BICC1: variants seen among roughly 807,000 people sequenced by gnomAD.
BICC1 encodes protein bicaudal C homolog 1.
Under a neutral mutation model 111.0 loss-of-function variants are expected in BICC1, and 43 were observed. The observed-to-expected ratio is 0.39, with a 90% confidence interval of 0.30 to 0.50. The LOEUF (loss-of-function observed/expected upper bound fraction) is 0.50, where lower values mean the gene tolerates loss of function less well. Ranked by LOEUF, BICC1 falls within the 20% of genes least tolerant of loss-of-function variation. The pLI, the probability that BICC1 is intolerant of heterozygous loss-of-function variation, is 0.88. For synonymous variants in BICC1, 467 were observed against 434.4 expected, an observed-to-expected ratio of 1.07 and a Z score of -0.93; for missense variants, 1,091 against 1,203.2, an observed-to-expected ratio of 0.91 and a Z score of 1.38.
At chr10:58,518,681 A>G (rs1367540985) in intron 1 of BICC1, among the ~76,000 whole-genome samples, 1 of 151,612 alleles carries the variant, frequency 6.6e-6, no homozygotes, top group Non-Finnish European at 1.5e-5. Flanking sequence ...TGATCCAGAG[A>G]GCATAGTTGC....
At chr10:58,693,785 C>A (rs1045091319) in intron 2 of BICC1, among the ~76,000 whole-genome samples, 1 of 152,092 alleles carries the variant, frequency 6.6e-6, no homozygotes, top group Non-Finnish European at 1.5e-5. Flanking sequence ...GAGTAGGTTG[C>A]AAAAATTTTC....
intron 3 of BICC1, among the ~76,000 whole-genome samples, chr10:58,766,643 T>C (rs1842463661): frequency 6.6e-6 from 1 of 152,076 alleles, no homozygotes; most frequent in Non-Finnish European, 1.5e-5. Context: ...TGTGGGAGTC[T>C]GAGAGTCTAG....
rs552570864 is a variant in BICC1, at chr10:58,636,602, T to TC, written c.237+15702dup. ...ATTGTCTCCTCCTCCTCCTCCTCCTTCTCCCTTTTTTCCTTCCCCAATTCA... is the reference window on the plus strand; with the variant it reads ...ATTGTCTCCTCCTCCTCCTCCTCCTTCCTCCCTTTTTTCCTTCCCCAATTCA... On this transcript the variant is annotated intron_variant, in intron 2 of 20. Transcript: ENST00000373886. Among the ~76,000 whole-genome samples the TC allele has an allele frequency of 8.7e-3, 1,305 of 149,522 alleles. 12 individuals are homozygous for TC. The highest frequency in any genetic ancestry group is 0.035 in the East Asian group (181 of 5,128).
chr10:58,665,979 A>G (rs1413834305), intron 2 of BICC1, among the ~76,000 whole-genome samples: 1 of 152,186 alleles, frequency 6.6e-6, no homozygotes, highest in Non-Finnish European at 1.5e-5. Context: ...TAGACGTACA[A>G]GTTCCTTATG....
chr10:58,675,589 T>A (rs946504084), intron 2 of BICC1, among the ~76,000 whole-genome samples: 1 of 151,820 alleles, frequency 6.6e-6, no homozygotes, highest in African/African-American at 2.4e-5. Context: ...CAGAAGAGGG[T>A]AGAACCATGG....
intron 2 of BICC1, among the ~76,000 whole-genome samples, chr10:58,663,636 C>T (rs1838916664): frequency 6.6e-6 from 1 of 152,152 alleles, no homozygotes; most frequent in African/African-American, 2.4e-5. Context: ...CTATTGTGAA[C>T]TGTGCATTCA....
In BICC1 at chr10:58,567,060, C is replaced by T. The variant is rs549891594; in HGVS notation, c.190+53727C>T. On this transcript the variant is annotated intron_variant, in intron 1 of 20. Transcript: ENST00000373886. ...CTGGTAATAGGAGGTAGAGAGGCAG[C>T]GGCAGCTGTGCAACTCTTTGGAGGC... is the stretch of plus-strand genomic sequence containing the variant. 2.0e-3 allele frequency among the ~76,000 whole-genome samples: 297 copies of T among 152,244 alleles called. 1 individual carries two copies. Among genetic ancestry groups the T allele is most frequent in the African/African-American group, 6.5e-3 (268 of 41,544 alleles).
At chr10:58,698,753 G>A (rs1002123878) in intron 2 of BICC1, among the ~76,000 whole-genome samples, 3 of 152,188 alleles carry the variant, frequency 2.0e-5, no homozygotes, top group Admixed American at 2.0e-4. Context: ...GCCATGCTAT[G>A]TGCTTTGGGT....
rs1482279108 is a variant in BICC1, at chr10:58,789,333, T to C, written c.672T>C (p.Asn224=). 6.2e-7 allele frequency: 1 copy of C among 1,614,062 alleles called. No homozygotes were observed. The highest frequency in any genetic ancestry group is 1.1e-5 in the South Asian group (1 of 91,072). ...TTCTTCAACCGGTTCCTGATCCTAA[T>C]TCCCCCTCTATTCAGCATATATCAC... ...AGILQPVPDP[N]SPSIQHISQT... Residue 224 remains asparagine (N), a synonymous_variant, in exon 7 of 21, where the codon AAT becomes AAC. Transcript: ENST00000373886.
intron 8 of BICC1, among the ~76,000 whole-genome samples, chr10:58,791,915 C>G (rs1182245273): frequency 6.6e-6 from 1 of 152,014 alleles, no homozygotes; most frequent in Non-Finnish European, 1.5e-5. Flanking sequence ...CCTCAGCCTC[C>G]CGAGTAGCTG....
At chr10:58,747,201 T>C (rs1841859405) in intron 3 of BICC1, among the ~76,000 whole-genome samples, 1 of 152,182 alleles carries the variant, frequency 6.6e-6, no homozygotes, top group South Asian at 2.1e-4. Context: ...GAAGATTAGC[T>C]TCAGCTCCAG....
intron 2 of BICC1, among the ~76,000 whole-genome samples, chr10:58,628,049 G>A (rs1258801013): frequency 6.6e-6 from 1 of 151,986 alleles, no homozygotes; most frequent in Non-Finnish European, 1.5e-5. Flanking sequence ...CTCAAATTTT[G>A]TTATATATGT....
At chr10:58,696,820 T>G (rs1449987924) in intron 2 of BICC1, among the ~76,000 whole-genome samples, 1 of 152,208 alleles carries the variant, frequency 6.6e-6, no homozygotes. Context: ...TGATTCAACA[T>G]CAGATGTTTG....
In BICC1 at chr10:58,787,074, G is replaced by A. The variant is rs1319994083; in HGVS notation, c.539G>A (p.Ser180Asn). 1 of 1,578,618 alleles carries A rather than the reference G, an allele frequency of 6.3e-7. No individual in the cohort carries two copies. The highest frequency in any genetic ancestry group is 8.6e-7 in the Non-Finnish European group (1 of 1,167,640). The change falls in exon 5 of 21, where the codon AGC becomes AAC. Residue 180 changes from serine (S) to asparagine (N), a missense_variant. Physicochemically the swap from Ser to Asn is conservative, Grantham distance 46. Coordinates refer to ENST00000373886, the MANE Select transcript of BICC1 (RefSeq NM_001080512.3). ...DSNRNNQAEK[S>N]NQVSIAGQPA... is the part of the protein sequence containing the mutation. ...AACAGGAATAACCAAGCAGAAAAAA[G>A]CAACCAGGTGGTTTGTCTTTTCACA...
At chr10:58,725,400 C>A (rs1347756599) in intron 3 of BICC1, among the ~76,000 whole-genome samples, 1 of 152,144 alleles carries the variant, frequency 6.6e-6, no homozygotes, top group African/African-American at 2.4e-5. Flanking sequence ...ACCAAATTTT[C>A]TCTCTACCTC....
At chr10:58,618,138 G>A (rs10740737) in intron 1 of BICC1, among the ~76,000 whole-genome samples, 156 of 152,100 alleles carry the variant, frequency 1.0e-3, no homozygotes, top group African/African-American at 3.5e-3. Context: ...GTCTTGTGTC[G>A]GACCTGTGTG....
intron 20 of BICC1, chr10:58,823,991 G>T (rs535368184): frequency 1.0e-6 from 1 of 985,282 alleles, no homozygotes; most frequent in Admixed American, 6.1e-5. Flanking sequence ...TGTGTCTTTT[G>T]CTTGTAAAGA....
intron 1 of BICC1, among the ~76,000 whole-genome samples, chr10:58,521,934 T>G (rs542423627): frequency 6.6e-6 from 1 of 151,932 alleles, no homozygotes; most frequent in African/African-American, 2.4e-5. Flanking sequence ...GATCACACTT[T>G]GAGAAACATT....
chr10:58,541,452 C>T (rs1358690022), intron 1 of BICC1, among the ~76,000 whole-genome samples: 1 of 152,072 alleles, frequency 6.6e-6, no homozygotes, highest in Non-Finnish European at 1.5e-5. Context: ...ATCACATTTA[C>T]AGTAGCATCA....
Sources: allele counts gnomAD v4.1 joint callset (sites outside exome capture counted in the v4.1 genomes callset), GRCh38; gene constraint gnomAD v4.1.1; transcripts MANE v1.5; gene names NCBI Gene and HGNC (gene_info 2026-07-23, HGNC 2026-07-21).